Variants in GPC3 observed in about 807,000 individuals in gnomAD.
GPC3 encodes the protein glypican-3.
A neutral mutation model predicts 34.4 loss-of-function variants in GPC3; 3 were observed. The observed-to-expected ratio is 0.09, with a 90% CI of 0.04 to 0.23. GPC3 has a LOEUF of 0.23. Ranked by LOEUF, GPC3 falls within the 10% of genes least tolerant of loss-of-function variation. The pLI, the probability that GPC3 is intolerant of heterozygous loss-of-function variation, is 1.00. For synonymous variants in GPC3, 177 were observed against 174.0 expected, an observed-to-expected ratio of 1.02 and a Z score of -0.13; for missense variants, 351 against 445.6, an observed-to-expected ratio of 0.79 and a Z score of 1.91.
intron 2 of GPC3, among the ~76,000 whole-genome samples, chrX:133,921,390 A>G (rs2076247056): frequency 8.9e-6 from 1 of 112,207 alleles, no homozygotes; most frequent in Non-Finnish European, 1.9e-5. Flanking sequence ...TAGAACTTTG[A>G]GGTGGGGAGC....
chrX:133,623,574 T>C (rs770679557), intron 6 of GPC3, among the ~76,000 whole-genome samples: 2 of 112,031 alleles, frequency 1.8e-5, no homozygotes, highest in Admixed American at 9.5e-5. Context: ...GGCCATTACA[T>C]AATGCCAAGG....
chrX:133,803,456 G>A (rs929332260), intron 2 of GPC3, among the ~76,000 whole-genome samples: 5 of 111,731 alleles, frequency 4.5e-5, no homozygotes, highest in Non-Finnish European at 7.5e-5. Context: ...CAAAGGATTC[G>A]GACTCTTTGA....
intron 2 of GPC3, among the ~76,000 whole-genome samples, chrX:133,873,832 C>T (rs2076004597): frequency 9.0e-6 from 1 of 111,237 alleles, no homozygotes; most frequent in Non-Finnish European, 1.9e-5. Context: ...ATATGGAACT[C>T]TATATTACTC....
intron 1 of GPC3, among the ~76,000 whole-genome samples, chrX:133,970,344 T>C (rs1337611546): frequency 9.0e-6 from 1 of 111,684 alleles, no homozygotes; most frequent in African/African-American, 3.3e-5. Flanking sequence ...TTCATATATA[T>C]GTGTGACTTT....
intron 2 of GPC3, among the ~76,000 whole-genome samples, chrX:133,833,479 A>G (rs2075785959): frequency 9.0e-6 from 1 of 111,597 alleles, no homozygotes; most frequent in Non-Finnish European, 1.9e-5. Flanking sequence ...TCATTCAACA[A>G]ACAGACGCTG....
At chrX:133,654,711 C>CAAAAA (rs200711396) in intron 6 of GPC3, among the ~76,000 whole-genome samples, 1 of 95,408 alleles carries the variant, frequency 1.0e-5, no homozygotes, top group African/African-American at 4.9e-5. Flanking sequence ...GACTCCGTCT[C>CAAAAA]AAAAAACAAA....
At chrX:133,732,062 A>C (rs1569422318) in intron 3 of GPC3, among the ~76,000 whole-genome samples, 1 of 111,991 alleles carries the variant, frequency 8.9e-6, no homozygotes, top group Non-Finnish European at 1.9e-5. Flanking sequence ...TAAGCTGGGA[A>C]GTCTAAATGC....
chrX:133,709,370 C>G (rs985353925), intron 3 of GPC3, among the ~76,000 whole-genome samples: 1 of 110,949 alleles, frequency 9.0e-6, no homozygotes, highest in Non-Finnish European at 1.9e-5. Context: ...TTTGTGGTAC[C>G]TTGGGGCTGA....
At position 133,852,985 on chromosome X, in the gene GPC3, CAAAAAAA is replaced by C. The variant is rs33927142; in HGVS notation, c.338-98816_338-98810del. On this transcript the variant is annotated intron_variant, in intron 2 of 7. Coordinates refer to ENST00000370818, the MANE Select transcript of GPC3 (RefSeq NM_004484.4). ...AATTTGACGTGCAATTTTTAAATTC[CAAAAAAA>C]AAAAAAAAAAAAAAAAAGCTTTCTT... 4.1e-3 allele frequency among the ~76,000 whole-genome samples: 171 copies of C among 42,141 alleles called. 1 individual carries two copies. Among genetic ancestry groups the C allele is most frequent in the Non-Finnish European group, 5.0e-3 (123 of 24,841 alleles). The allele number at this position is 42,141 out of a possible 115,157, so 36.6% of individuals were successfully genotyped here. A position where few individuals can be genotyped will look rare whatever the true frequency, so the allele number is the denominator to read the frequency against.
At chrX:133,614,914 T>C (rs745983308) in intron 6 of GPC3, among the ~76,000 whole-genome samples, 2 of 111,695 alleles carry the variant, frequency 1.8e-5, no homozygotes, top group African/African-American at 6.5e-5. Context: ...TGGAATACTA[T>C]AGACATCACA....
Position 133,806,604 on chromosome X carries a change from A to T in GPC3, c.338-52428T>A, listed in dbSNP as rs1176684810. 3.6e-5 allele frequency among the ~76,000 whole-genome samples: 4 copies of T among 111,000 alleles called. No homozygotes were observed. In the South Asian group the frequency reaches 1.1e-3, roughly 31 times the overall value. ...TGTTGAAATTGAGATCACCTATTTTAATTTATTTATTTATTTATTTATTTG... is the reference window on the plus strand; with the variant it reads ...TGTTGAAATTGAGATCACCTATTTTTATTTATTTATTTATTTATTTATTTG... On this transcript the variant is annotated intron_variant, in intron 2 of 7. Transcript: ENST00000370818.
intron 3 of GPC3, among the ~76,000 whole-genome samples, chrX:133,733,445 T>C (rs1236869895): frequency 9.0e-6 from 1 of 110,803 alleles, no homozygotes. Context: ...GCTATTGAAA[T>C]AAAAATTTTA....
intron 2 of GPC3, among the ~76,000 whole-genome samples, chrX:133,936,802 C>G (rs2076325413): frequency 8.9e-6 from 1 of 112,267 alleles, no homozygotes; most frequent in Non-Finnish European, 1.9e-5. Context: ...CTGACACTGA[C>G]AGTTATGAAT....
At chrX:133,803,488 T>G (rs1373488827) in intron 2 of GPC3, among the ~76,000 whole-genome samples, 1 of 112,063 alleles carries the variant, frequency 8.9e-6, no homozygotes, top group Non-Finnish European at 1.9e-5. Context: ...GCCATTGCTC[T>G]CTGCATTCTT....
At chrX:133,731,288 T>C (rs1213410997) in intron 3 of GPC3, among the ~76,000 whole-genome samples, 1 of 112,993 alleles carries the variant, frequency 8.9e-6, no homozygotes, top group African/African-American at 3.2e-5. Context: ...CCAGGTCATA[T>C]GGCCTTTCTT....
At chrX:133,807,137 T>C (rs2075640543) in intron 2 of GPC3, among the ~76,000 whole-genome samples, 1 of 110,545 alleles carries the variant, frequency 9.0e-6, no homozygotes, top group South Asian at 3.9e-4. Context: ...TGGTGGGAGG[T>C]GTTTGAGTCA....
chrX:133,707,215 G>T (rs1172943903), intron 3 of GPC3, among the ~76,000 whole-genome samples: 6 of 111,159 alleles, frequency 5.4e-5, no homozygotes. Flanking sequence ...GAGGGCAGAA[G>T]GAGGAAAAGG....
intron 2 of GPC3, among the ~76,000 whole-genome samples, chrX:133,771,016 A>T (rs1447989750): frequency 1.8e-5 from 2 of 111,462 alleles, no homozygotes; most frequent in African/African-American, 3.3e-5. Flanking sequence ...AGTATACACT[A>T]TGAGGGCTCA....
rs139050793 is a variant in GPC3, at chrX:133,654,604, C to T, written c.1413+7126G>A. 8.6e-3 allele frequency among the ~76,000 whole-genome samples: 938 copies of T among 109,373 alleles called. 15 individuals are homozygous for T. Among genetic ancestry groups the T allele is most frequent in the African/African-American group, 0.029 (846 of 29,575 alleles). The allele number at this position is 109,373 out of a possible 115,157, so 95.0% of individuals were successfully genotyped here. A position where few individuals can be genotyped will look rare whatever the true frequency, so the allele number is the denominator to read the frequency against. ...GTGGGTACCTGTAATCCCAGCTACT[C>T]GGGAGGCTGAGGCAGGAGAATTGCT... On this transcript the variant is annotated intron_variant, in intron 6 of 7. Coordinates refer to ENST00000370818, the MANE Select transcript of GPC3 (RefSeq NM_004484.4).
Sources: gnomAD v4.1 joint callset for allele counts (sites outside exome capture counted in the v4.1 genomes callset) on GRCh38, gnomAD v4.1.1 for gene constraint, MANE v1.5 for transcripts, NCBI Gene and HGNC (gene_info 2026-07-23, HGNC 2026-07-21) for gene names.